GATAD2A: variants seen among roughly 807,000 people sequenced by gnomAD.
GATAD2A encodes the protein GATA zinc finger domain containing 2A.
GATAD2A carries 12 observed loss-of-function variants against 68.5 expected under a neutral mutation model. That is an observed-to-expected ratio of 0.18 (90% CI 0.11 to 0.28). The LOEUF (loss-of-function observed/expected upper bound fraction) is 0.28. Among genes scored for constraint, GATAD2A ranks in the 10% least tolerant of loss-of-function variants. The probability of loss-of-function intolerance (pLI) is 1.00; values close to 1 mark genes in which losing one functional copy is unlikely to be tolerated. For synonymous variants in GATAD2A, 410 were observed against 375.3 expected, an observed-to-expected ratio of 1.09 and a Z score of -1.07; for missense variants, 755 against 868.5, an observed-to-expected ratio of 0.87 and a Z score of 1.64.
chr19:19,440,248 T>A (rs769316494), intron 1 of GATAD2A: 1 of 252,812 alleles, frequency 4.0e-6, no homozygotes, highest in South Asian at 4.2e-5. Context: ...ATTTTATTTT[T>A]ATTTTTATTT....
At chr19:19,452,263 T>C (rs2056470412) in intron 1 of GATAD2A, among the ~76,000 whole-genome samples, 2 of 152,306 alleles carry the variant, frequency 1.3e-5, no homozygotes, top group South Asian at 4.1e-4. Context: ...CCCAGTCTTC[T>C]TGTTGCCCTT....
At chr19:19,396,341 G>A (rs1193042478) in intron 1 of GATAD2A, among the ~76,000 whole-genome samples, 2 of 152,098 alleles carry the variant, frequency 1.3e-5, no homozygotes, top group African/African-American at 4.8e-5. Context: ...TAGGCTGACC[G>A]TTTCTCTTGA....
intron 2 of GATAD2A, 64 bp from the exon 3 acceptor site, chr19:19,492,242 A>G (rs971456449): frequency 1.3e-6 from 2 of 1,530,464 alleles, no homozygotes; most frequent in East Asian, 2.4e-5. Flanking sequence ...CCATGTGTCC[A>G]CAGGGGTGGG....
chr19:19,478,391 A>G (rs2058817686), intron 2 of GATAD2A, among the ~76,000 whole-genome samples: 1 of 152,182 alleles, frequency 6.6e-6, no homozygotes, highest in Non-Finnish European at 1.5e-5. Flanking sequence ...ACATGAGGCC[A>G]GGAGTTCGAG....
intron 1 of GATAD2A, among the ~76,000 whole-genome samples, chr19:19,409,641 G>A (rs1317427495): frequency 6.6e-6 from 1 of 152,184 alleles, no homozygotes; most frequent in Non-Finnish European, 1.5e-5. Context: ...AATGGAATTA[G>A]GAAGGCAGTG....
chr19:19,506,193 C>G lies in GATAD2A; in HGVS notation c.*719C>G, dbSNP rs555398188. 2.5e-6 allele frequency: 1 copy of G among 398,636 alleles called. No individual in the cohort carries two copies. The highest frequency in any genetic ancestry group is 2.1e-5 in the African/African-American group (1 of 48,564). The allele number at this position is 398,636 out of a possible 1,614,324, so 24.7% of individuals were successfully genotyped here. A position where few individuals can be genotyped will look rare whatever the true frequency, so the allele number is the denominator to read the frequency against. On this transcript the variant is annotated 3_prime_UTR_variant, in exon 12 of 12. Transcript: ENST00000683918. ...CAGCCCTCGCTCCAGCTGAACGCCT[C>G]CATTGCTGCTTGTTCTGGAGACCCC...
intron 1 of GATAD2A, among the ~76,000 whole-genome samples, chr19:19,453,661 A>AT (rs1394785583): frequency 2.8e-5 from 4 of 143,078 alleles, no homozygotes; most frequent in Non-Finnish European, 6.0e-5. Flanking sequence ...ACAACTGGCT[A>AT]TTTTTTAATT....
intron 1 of GATAD2A, among the ~76,000 whole-genome samples, chr19:19,395,730 A>G (rs927862806): frequency 6.6e-6 from 1 of 152,138 alleles, no homozygotes; most frequent in Non-Finnish European, 1.5e-5. Flanking sequence ...CTTCAGGAAG[A>G]GTGTGTTCTT....
chr19:19,462,172 C>T (rs552729814), intron 1 of GATAD2A, among the ~76,000 whole-genome samples: 6 of 152,372 alleles, frequency 3.9e-5, no homozygotes, highest in African/African-American at 1.2e-4. Flanking sequence ...GACAACTTTG[C>T]TCCTGGGTCT....
intron 8 of GATAD2A, among the ~76,000 whole-genome samples, chr19:19,500,057 TC>T (rs1229378908): frequency 6.6e-6 from 1 of 152,254 alleles, no homozygotes; most frequent in African/African-American, 2.4e-5. Flanking sequence ...GCATCCGCTC[TC>T]CCAGACCAGT....
chr19:19,430,231 C>G (rs1268405124), intron 1 of GATAD2A, among the ~76,000 whole-genome samples: 1 of 152,184 alleles, frequency 6.6e-6, no homozygotes, highest in Non-Finnish European at 1.5e-5. Context: ...TCTGTGGCCC[C>G]TGCTAATTCT....
chr19:19,432,779 G>A (rs932336670), intron 1 of GATAD2A, among the ~76,000 whole-genome samples: 1 of 152,244 alleles, frequency 6.6e-6, no homozygotes, highest in African/African-American at 2.4e-5. Flanking sequence ...GAGTGAGCAG[G>A]CTGAAGTGGG....
At chr19:19,419,930 G>GC (rs1179557636) in intron 1 of GATAD2A, among the ~76,000 whole-genome samples, 1 of 151,740 alleles carries the variant, frequency 6.6e-6, no homozygotes, top group Non-Finnish European at 1.5e-5. Flanking sequence ...TTGAGCCTGG[G>GC]CCTAGGAGGT....
intron 1 of GATAD2A, among the ~76,000 whole-genome samples, chr19:19,424,453 C>T (rs1271160546): frequency 6.6e-6 from 1 of 152,234 alleles, no homozygotes; most frequent in East Asian, 1.9e-4. Flanking sequence ...TGGTCTTGAA[C>T]TCCTGAGATC....
intron 8 of GATAD2A, among the ~76,000 whole-genome samples, chr19:19,499,043 G>A (rs932786392): frequency 6.6e-6 from 1 of 152,184 alleles, no homozygotes; most frequent in African/African-American, 2.4e-5. Flanking sequence ...TCCACGAAGG[G>A]CTCTCAGGCC....
intron 1 of GATAD2A, among the ~76,000 whole-genome samples, chr19:19,416,701 G>A (rs2051684350): frequency 6.6e-6 from 1 of 151,780 alleles, no homozygotes; most frequent in South Asian, 2.1e-4. Context: ...AATTGGAGTA[G>A]TTTTGAGCTG....
At chr19:19,469,825 T>C (rs990980282) in intron 2 of GATAD2A, among the ~76,000 whole-genome samples, 3 of 152,120 alleles carry the variant, frequency 2.0e-5, no homozygotes, top group Non-Finnish European at 2.9e-5. Flanking sequence ...CACGCACCTA[T>C]AGTCCCAGCT....
At chr19:19,453,324 G>A (rs1351418493) in intron 1 of GATAD2A, among the ~76,000 whole-genome samples, 1 of 152,136 alleles carries the variant, frequency 6.6e-6, no homozygotes, top group Non-Finnish European at 1.5e-5. Flanking sequence ...TTCTACCAGG[G>A]ACCTATTTAT....
At chr19:19,475,016 C>T (rs971455050) in intron 2 of GATAD2A, among the ~76,000 whole-genome samples, 8 of 152,238 alleles carry the variant, frequency 5.3e-5, no homozygotes, top group Non-Finnish European at 1.2e-4. Flanking sequence ...AGCGGATGCT[C>T]GGACAGTTGC....
Sources: gnomAD v4.1 joint callset for allele counts (sites outside exome capture counted in the v4.1 genomes callset) on GRCh38, gnomAD v4.1.1 for gene constraint, MANE v1.5 for transcripts, NCBI Gene and HGNC (gene_info 2026-07-23, HGNC 2026-07-21) for gene names.